The following TGFBR3 variants were observed in gnomAD, a reference collection of about 807,000 sequenced individuals.
TGFBR3 encodes transforming growth factor beta receptor 3.
TGFBR3 carries 46 observed loss-of-function variants against 87.9 expected under a neutral mutation model. The observed-to-expected ratio is 0.52, with a 90% confidence interval of 0.41 to 0.67. The LOEUF (loss-of-function observed/expected upper bound fraction) is 0.67. TGFBR3 is among the 30% of genes least tolerant of loss of function. TGFBR3 has a pLI of 0.00. For synonymous variants in TGFBR3, 381 were observed against 391.6 expected (o/e 0.97, Z 0.32); for missense variants, 866 against 1,041.9 (o/e 0.83, Z 2.32).
chr1:91,793,982 T>C (rs1236934335), intron 3 of TGFBR3, among the ~76,000 whole-genome samples: 4 of 152,146 alleles, frequency 2.6e-5, no homozygotes, highest in Admixed American at 2.0e-4. Context: ...TGAGTTTAAG[T>C]TGAAGGAGTA....
At chr1:91,771,705 C>CAA (rs758894556) in intron 3 of TGFBR3, among the ~76,000 whole-genome samples, 20,239 of 82,760 alleles carry the variant, frequency 0.24, 2,623 homozygotes, top group African/African-American at 0.38. Context: ...GACTCTGTCT[C>CAA]AAAAAAAAAA....
rs376405346 is a variant in TGFBR3, at chr1:91,738,116, T to C, written c.385-3157A>G. On this transcript the variant is annotated intron_variant, in intron 4 of 16. Transcript: ENST00000212355. ...CTGGAACATCAGCTCTTCCCGGTGC[T>C]ACAGCAGCCTACAGGCCTTCGAACT... is the stretch of plus-strand genomic sequence containing the variant. Among the ~76,000 whole-genome samples the C allele has an allele frequency of 7.4e-4, 112 of 152,338 alleles. 2 individuals are homozygous for C. In the South Asian group the frequency reaches 0.023, roughly 31 times the overall value.
In TGFBR3 at chr1:91,886,090, C is replaced by A. The variant is rs1424931655; in HGVS notation, c.-326G>T. On this transcript the variant is annotated 5_prime_UTR_variant, in exon 1 of 17. Transcript: ENST00000212355. Reference sequence around the variant, plus strand: ...GTGGCCGGGGCGCGAGAGCCGCCGACTGCCCTCCTTCACTCGCTGGGAAGA... The same window carrying A: ...GTGGCCGGGGCGCGAGAGCCGCCGAATGCCCTCCTTCACTCGCTGGGAAGA... 2.2e-6 allele frequency: 1 copy of A among 454,100 alleles called. No individual in the cohort carries two copies. 28.1% of individuals were successfully genotyped at this position (454,100 alleles called of 1,614,324 possible). A position where few individuals can be genotyped will look rare whatever the true frequency, so the allele number is the denominator to read the frequency against.
chr1:91,809,734 T>C (rs1260439948), intron 2 of TGFBR3, among the ~76,000 whole-genome samples: 2 of 152,196 alleles, frequency 1.3e-5, no homozygotes, highest in Non-Finnish European at 2.9e-5. Context: ...TTCAGCTTAA[T>C]ATATAGGTCC....
chr1:91,716,717 C>G lies in TGFBR3; in HGVS notation c.1567-9G>C. 6.2e-7 allele frequency: 1 copy of G among 1,614,006 alleles called. No homozygotes were observed. The highest frequency in any genetic ancestry group is 8.5e-7 in the Non-Finnish European group (1 of 1,179,988). On this transcript the variant is annotated splice_polypyrimidine_tract_variant and intron_variant, in intron 10 of 16. Transcript: ENST00000212355. ...GGAACCTGTATCACAATCTAAAAGG[C>G]AAAGAAAGCACAGCCAATGTTATAA...
At chr1:91,737,807 T>C (rs1673016390) in intron 4 of TGFBR3, among the ~76,000 whole-genome samples, 1 of 152,172 alleles carries the variant, frequency 6.6e-6, no homozygotes, top group African/African-American at 2.4e-5. Flanking sequence ...TGAAAGACGG[T>C]GTCGGGACAA....
chr1:91,792,055 G>C (rs975938836), intron 3 of TGFBR3, among the ~76,000 whole-genome samples: 10 of 152,206 alleles, frequency 6.6e-5, no homozygotes, highest in African/African-American at 1.2e-4. Flanking sequence ...CCAATCCTCA[G>C]AGAAGGTACA....
chr1:91,750,654 T>C (rs1048811612), intron 4 of TGFBR3, among the ~76,000 whole-genome samples: 1 of 152,170 alleles, frequency 6.6e-6, no homozygotes, highest in Non-Finnish European at 1.5e-5. Flanking sequence ...ACCAGCAATC[T>C]TGAAACATTT....
At position 91,808,680 on chromosome 1, in the gene TGFBR3, G is replaced by A. The variant is rs376822333; in HGVS notation, c.62-11209C>T. Among the ~76,000 whole-genome samples, 4 of 152,080 alleles carry A rather than the reference G, an allele frequency of 2.6e-5. No homozygotes were observed. In the South Asian group the frequency reaches 6.2e-4, roughly 24 times the overall value. On this transcript the variant is annotated intron_variant, in intron 2 of 16. Coordinates refer to ENST00000212355, the MANE Select transcript of TGFBR3 (RefSeq NM_003243.5). ...GGGGTTTCACCATGTTGGCCAGGCT[G>A]GTCTCAAACCCTTGGCCTCAGGTGA...
chr1:91,881,931 C>T (rs371079126), intron 1 of TGFBR3, among the ~76,000 whole-genome samples: 3 of 151,636 alleles, frequency 2.0e-5, no homozygotes, highest in Admixed American at 2.0e-4. Flanking sequence ...CCCCGCTACT[C>T]GGGAGGCTGA....
At chr1:91,899,349 T>A (rs867794117) in intron 2 of TGFBR3, among the ~76,000 whole-genome samples, 1 of 151,922 alleles carries the variant, frequency 6.6e-6, no homozygotes. Context: ...CTACAAAAAA[T>A]TTAAAAATTA....
intron 3 of TGFBR3, among the ~76,000 whole-genome samples, chr1:91,772,335 A>AATCCCATTTTTGTTTAGG (rs17878444): frequency 0.41 from 62,495 of 151,338 alleles, 13,640 homozygotes; most frequent in African/African-American, 0.54. Context: ...AACAATTTTA[A>AATCCCATTTTTGTTTAGG]ATCCCATTTT....
intron 4 of TGFBR3, among the ~76,000 whole-genome samples, chr1:91,748,144 G>C (rs1673411574): frequency 6.6e-6 from 1 of 152,206 alleles, no homozygotes; most frequent in African/African-American, 2.4e-5. Context: ...GAGGCCTCTA[G>C]CCCGAAATAA....
chr1:91,744,019 A>G (rs1001259382), intron 4 of TGFBR3, among the ~76,000 whole-genome samples: 4 of 152,188 alleles, frequency 2.6e-5, no homozygotes, highest in African/African-American at 7.2e-5. Flanking sequence ...GACTGATTAC[A>G]AGTTTAAGTG....
At chr1:91,690,377 CA>C (rs1184637503) in intron 16 of TGFBR3, among the ~76,000 whole-genome samples, 5 of 151,992 alleles carry the variant, frequency 3.3e-5, no homozygotes, top group African/African-American at 1.2e-4. Context: ...CATTTGAGGG[CA>C]AGAGTACCAC....
intron 4 of TGFBR3, among the ~76,000 whole-genome samples, chr1:91,737,106 TGTCCTCACGGGCC>T (rs1173657882): frequency 5.9e-5 from 9 of 152,192 alleles, no homozygotes. Context: ...CAGGCATTGT[TGTCCTCACGGGCC>T]AGCAGCAATA....
At chr1:91,726,225 G>C (rs17882489) in intron 7 of TGFBR3, among the ~76,000 whole-genome samples, 1,554 of 152,236 alleles carry the variant, frequency 0.01, 23 homozygotes, top group African/African-American at 0.036. Context: ...CCATCGAAGG[G>C]TCAAGGCTGA....
chr1:91,688,707 T>C (rs980603227), intron 16 of TGFBR3, among the ~76,000 whole-genome samples: 1 of 152,044 alleles, frequency 6.6e-6, no homozygotes. Flanking sequence ...TCAACAACCC[T>C]CCATGGAACA....
rs72965101 is a variant in TGFBR3, at chr1:91,745,569, A to G, written c.385-10610T>C. ...TATGTATTTTGGACACACAAAGTCCAGCAAAAACAAACATACTGGAACAGC... is the reference window on the plus strand; with the variant it reads ...TATGTATTTTGGACACACAAAGTCCGGCAAAAACAAACATACTGGAACAGC... On this transcript the variant is annotated intron_variant, in intron 4 of 16. Transcript: ENST00000212355. 5.5e-3 allele frequency among the ~76,000 whole-genome samples: 833 copies of G among 152,338 alleles called. 10 individuals carry two copies. The highest frequency in any genetic ancestry group is 0.019 in the African/African-American group (798 of 41,560).
Sources: gnomAD v4.1 joint callset for allele counts (sites outside exome capture counted in the v4.1 genomes callset) on GRCh38, gnomAD v4.1.1 for gene constraint, MANE v1.5 for transcripts, NCBI Gene and HGNC (gene_info 2026-07-23, HGNC 2026-07-21) for gene names.